CALCRL: variants seen among roughly 807,000 people sequenced by gnomAD.
CALCRL encodes calcitonin receptor like receptor, also known as calcitonin gene-related peptide type 1 receptor.
A neutral mutation model predicts 60.4 loss-of-function variants in CALCRL; 27 were observed. That is an observed-to-expected ratio of 0.45 (90% confidence interval 0.33 to 0.62). The LOEUF is 0.62. CALCRL is among the 20% of genes least tolerant of loss of function. The pLI is 0.03. For synonymous variants in CALCRL, 190 were observed against 182.6 expected, an observed-to-expected ratio of 1.04 and a Z score of -0.33; for missense variants, 424 against 540.7, an observed-to-expected ratio of 0.78 and a Z score of 2.14.
At position 187,346,257 on chromosome 2, in the gene CALCRL, C is replaced by T. The variant is rs367741433; in HGVS notation, c.1313G>A (p.Ser438Asn). ...GATGCTTTTTCCATTTAAGTGTTCA[C>T]TAGGACAGTCATGACTATAACCTGG... ...DGPGYSHDCP[S>N]EHLNGKSIHD... Residue 438 changes from serine (S) to asparagine (N), a missense_variant, in exon 15 of 15, where the codon AGT (serine) becomes AAT (asparagine). Ser to Asn is a conservative substitution (Grantham distance 46). Transcript: ENST00000392370. The T allele has an allele frequency of 6.2e-7, 1 of 1,612,266 alleles. No individual in the cohort carries two copies. Among genetic ancestry groups the T allele is most frequent in the Non-Finnish European group, 8.5e-7 (1 of 1,178,900 alleles).
intron 1 of CALCRL, among the ~76,000 whole-genome samples, chr2:187,402,978 A>G (rs1199529883): frequency 6.6e-6 from 1 of 151,594 alleles, no homozygotes; most frequent in East Asian, 1.9e-4. Context: ...AAAGAAAGAG[A>G]TAGGCAATCT....
intron 1 of CALCRL, chr2:187,442,080 A>G (rs947222853): frequency 2.7e-5 from 2 of 75,262 alleles, no homozygotes; most frequent in South Asian, 8.3e-4. Flanking sequence ...TTATATATAT[A>G]TATATATATA....
chr2:187,400,160 A>T (rs1302170171), intron 1 of CALCRL, among the ~76,000 whole-genome samples: 1 of 151,526 alleles, frequency 6.6e-6, no homozygotes, highest in Non-Finnish European at 1.5e-5. Context: ...CTCTAACTTG[A>T]TCACTACACA....
chr2:187,434,240 A>G (rs547485797), intron 1 of CALCRL, among the ~76,000 whole-genome samples: 4 of 152,214 alleles, frequency 2.6e-5, no homozygotes, highest in African/African-American at 9.6e-5. Context: ...CTTTCCCTGG[A>G]CCACCTAACC....
chr2:187,393,758 T>TA lies in CALCRL; in HGVS notation c.-292-6003dup, dbSNP rs943088944. 3.3e-5 allele frequency among the ~76,000 whole-genome samples: 5 copies of TA among 152,024 alleles called. No individual in the cohort carries two copies. In the South Asian group the frequency reaches 6.2e-4, roughly 19 times the overall value. On this transcript the variant is annotated intron_variant, in intron 1 of 14. Transcript: ENST00000392370. ...AAGCCTATTATAATTTTCTGAGTCATAAAAAAAGATCATTGCCTCGATTCT... is the reference window on the plus strand; with the variant it reads ...AAGCCTATTATAATTTTCTGAGTCATAAAAAAAAGATCATTGCCTCGATTCT...
At chr2:187,379,549 T>C (rs1210253651) in intron 7 of CALCRL, among the ~76,000 whole-genome samples, 1 of 152,172 alleles carries the variant, frequency 6.6e-6, no homozygotes, top group East Asian at 1.9e-4. Context: ...CTCATGGTTT[T>C]CACTTTTTTA....
chr2:187,400,703 G>A (rs981455897), intron 1 of CALCRL, among the ~76,000 whole-genome samples: 3 of 151,338 alleles, frequency 2.0e-5, no homozygotes, highest in Admixed American at 6.6e-5. Flanking sequence ...GCAATAAAGA[G>A]GAAGGAGTAC....
chr2:187,416,435 C>T (rs73048629), intron 1 of CALCRL, among the ~76,000 whole-genome samples: 3,479 of 152,120 alleles, frequency 0.023, 138 homozygotes, highest in African/African-American at 0.079. Flanking sequence ...CAAATAGATA[C>T]AAGAGTGGCC....
intron 1 of CALCRL, among the ~76,000 whole-genome samples, chr2:187,405,609 C>A (rs1024985887): frequency 6.6e-6 from 1 of 151,916 alleles, no homozygotes; most frequent in Non-Finnish European, 1.5e-5. Flanking sequence ...TGTGTATTTG[C>A]ATTATTACTC....
intron 8 of CALCRL, among the ~76,000 whole-genome samples, 198 bp downstream of exon 8, chr2:187,378,742 G>A (rs1470979913): frequency 2.0e-5 from 3 of 151,982 alleles, no homozygotes; most frequent in African/African-American, 7.2e-5. Context: ...TACTAATTTT[G>A]TAAAATTCAG....
chr2:187,358,128 A>T (rs1286315746), intron 12 of CALCRL, among the ~76,000 whole-genome samples: 2 of 152,110 alleles, frequency 1.3e-5, no homozygotes, highest in Non-Finnish European at 2.9e-5. Context: ...CGGCAGAAGG[A>T]TCACTGCAGC....
chr2:187,371,371 G>T (rs79812407), intron 8 of CALCRL, among the ~76,000 whole-genome samples: 5,904 of 152,114 alleles, frequency 0.039, 370 homozygotes, highest in African/African-American at 0.13. Context: ...CGTGAGTTAA[G>T]AGAGCAAGGG....
In CALCRL at chr2:187,383,318, A is replaced by G; in HGVS notation, c.52-13T>C. ...CTGTAACAAGAATCTAAGGGATTAAAAAAACAACAACATCAACTTCATGAA... is the reference window on the plus strand; with the variant it reads ...CTGTAACAAGAATCTAAGGGATTAAGAAAACAACAACATCAACTTCATGAA... On this transcript the variant is annotated splice_polypyrimidine_tract_variant and intron_variant, in intron 4 of 14. Coordinates refer to ENST00000392370, the MANE Select transcript of CALCRL (RefSeq NM_005795.6). 1 of 1,580,896 alleles carries G rather than the reference A, an allele frequency of 6.3e-7. No individual in the cohort carries two copies. The highest frequency in any genetic ancestry group is 8.6e-7 in the Non-Finnish European group (1 of 1,168,056).
chr2:187,413,782 T>G (rs1197165862), intron 1 of CALCRL, among the ~76,000 whole-genome samples: 1 of 152,118 alleles, frequency 6.6e-6, no homozygotes, highest in Non-Finnish European at 1.5e-5. Flanking sequence ...TTTGGTCACA[T>G]TTACATCTTA....
chr2:187,403,909 C>T (rs146766934), intron 1 of CALCRL, among the ~76,000 whole-genome samples: 142 of 151,946 alleles, frequency 9.3e-4, no homozygotes, highest in African/African-American at 3.3e-3. Flanking sequence ...GGAAGGAGAT[C>T]CTTGCTGAAT....
intron 11 of CALCRL, 36 bp downstream of exon 11, chr2:187,359,176 T>G: frequency 6.3e-7 from 1 of 1,599,512 alleles, no homozygotes; most frequent in Non-Finnish European, 8.6e-7. Flanking sequence ...TATTTTACAT[T>G]ATTCCAGTAG....
At chr2:187,443,009 T>C (rs1272001262) in intron 1 of CALCRL, among the ~76,000 whole-genome samples, 1 of 151,864 alleles carries the variant, frequency 6.6e-6, no homozygotes, top group African/African-American at 2.4e-5. Flanking sequence ...GAGTTTCACA[T>C]GTAAAGAAAC....
In CALCRL at chr2:187,383,248, T is replaced by C. The variant is rs1688053741; in HGVS notation, c.109A>G (p.Thr37Ala). Residue 37 changes from threonine (T) to alanine (A), a missense_variant, in exon 5 of 15, where the codon ACT becomes GCT. Physicochemically the swap from Thr to Ala is moderately conservative, Grantham distance 58. Around this residue, in one of 7 missense-constraint regions of CALCRL, gnomAD observed 108 missense variants for 132.9 expected, o/e 0.81. Coordinates refer to ENST00000392370, the MANE Select transcript of CALCRL (RefSeq NM_005795.6). The part of the protein sequence containing the change: ...SPEDSIQLGV[T>A]RNKIMTAQYE... Reference sequence around the variant, plus strand: ...TGAGCTGTCATGATTTTATTTCTAGTAACTCCCAACTGAATTGAGTCCTCA... The same window carrying C: ...TGAGCTGTCATGATTTTATTTCTAGCAACTCCCAACTGAATTGAGTCCTCA... 1 of 1,612,282 alleles carries C rather than the reference T, an allele frequency of 6.2e-7. No individual in the cohort carries two copies. The highest frequency in any genetic ancestry group is 8.5e-7 in the Non-Finnish European group (1 of 1,179,216).
At chr2:187,391,234 T>C (rs1688432398) in intron 1 of CALCRL, among the ~76,000 whole-genome samples, 1 of 152,226 alleles carries the variant, frequency 6.6e-6, no homozygotes. Flanking sequence ...TACTTCTCTC[T>C]ATATATTTAG....
Sources: allele counts gnomAD v4.1 joint callset (sites outside exome capture counted in the v4.1 genomes callset), GRCh38; gene constraint gnomAD v4.1.1; regional missense constraint gnomAD v4.1.1; transcripts MANE v1.5; gene names NCBI Gene and HGNC (gene_info 2026-07-23, HGNC 2026-07-21).